LRRTM4: variants seen among roughly 807,000 people sequenced by gnomAD.
The protein encoded by LRRTM4 is leucine rich repeat transmembrane neuronal 4.
LRRTM4 carries 25 observed loss-of-function variants against 47.6 expected under a neutral mutation model. That is an observed-to-expected ratio of 0.53 (90% confidence interval 0.38 to 0.73). The LOEUF is 0.73. Among genes scored for constraint, LRRTM4 ranks in the 30% least tolerant of loss-of-function variants. The pLI is 0.00. For synonymous variants in LRRTM4, 311 were observed against 269.5 expected, an observed-to-expected ratio of 1.15 and a Z score of -1.51; for missense variants, 638 against 713.4, an observed-to-expected ratio of 0.89 and a Z score of 1.20.
intron 3 of LRRTM4, among the ~76,000 whole-genome samples, chr2:76,970,274 C>CA (rs1252433954): frequency 6.6e-6 from 1 of 151,936 alleles, no homozygotes; most frequent in African/African-American, 2.4e-5. Context: ...CGAAGTACAT[C>CA]ATGCTGCCTA....
chr2:77,031,576 G>T (rs889888580), intron 3 of LRRTM4, among the ~76,000 whole-genome samples: 1 of 152,012 alleles, frequency 6.6e-6, no homozygotes, highest in Non-Finnish European at 1.5e-5. Flanking sequence ...ATATTAGAGA[G>T]TCCCAAGGTT....
At chr2:77,231,637 T>C (rs1674969074) in intron 3 of LRRTM4, among the ~76,000 whole-genome samples, 3 of 152,176 alleles carry the variant, frequency 2.0e-5, no homozygotes, top group Admixed American at 2.0e-4. Context: ...GAGAAATTCA[T>C]TCTTTTATTC....
chr2:76,934,936 G>A (rs1004826042), intron 3 of LRRTM4, among the ~76,000 whole-genome samples: 3 of 150,868 alleles, frequency 2.0e-5, no homozygotes, highest in Admixed American at 6.6e-5. Context: ...GTACTTAGAG[G>A]ATTTTCTTTC....
chr2:77,204,850 C>A (rs1408437297), intron 3 of LRRTM4, among the ~76,000 whole-genome samples: 1 of 152,120 alleles, frequency 6.6e-6, no homozygotes, highest in African/African-American at 2.4e-5. Flanking sequence ...ACTTGGTATA[C>A]CAACCCACCC....
At chr2:77,110,678 T>A (rs1035263227) in intron 3 of LRRTM4, among the ~76,000 whole-genome samples, 8 of 152,152 alleles carry the variant, frequency 5.3e-5, no homozygotes, top group African/African-American at 1.9e-4. Context: ...CCATGCAATA[T>A]TGAAGTAGTA....
intron 3 of LRRTM4, among the ~76,000 whole-genome samples, chr2:77,273,265 A>C (rs1041991731): frequency 2.0e-5 from 3 of 152,156 alleles, no homozygotes; most frequent in African/African-American, 7.2e-5. Context: ...AAAATGCATA[A>C]ATTACATAGA....
chr2:77,159,207 T>C (rs1252000417), intron 3 of LRRTM4, among the ~76,000 whole-genome samples: 3 of 152,162 alleles, frequency 2.0e-5, no homozygotes, highest in Non-Finnish European at 4.4e-5. Flanking sequence ...CAAAAATCCA[T>C]GAATAAATTT....
intron 3 of LRRTM4, among the ~76,000 whole-genome samples, chr2:76,803,123 C>A (rs1675792446): frequency 6.6e-6 from 1 of 152,010 alleles, no homozygotes; most frequent in Non-Finnish European, 1.5e-5. Flanking sequence ...TTATATCAAT[C>A]TAAAAAACTT....
intron 3 of LRRTM4, among the ~76,000 whole-genome samples, chr2:77,329,095 T>G (rs2104245895): frequency 6.6e-6 from 1 of 152,272 alleles, no homozygotes; most frequent in Middle Eastern, 3.4e-3. Flanking sequence ...CTTAAGATAG[T>G]TTGTCCCAAG....
chr2:76,887,073 T>G (rs777320797), intron 3 of LRRTM4, among the ~76,000 whole-genome samples: 2 of 151,802 alleles, frequency 1.3e-5, no homozygotes, highest in Non-Finnish European at 3.0e-5. Context: ...TTTTTAAAAC[T>G]GTGAGGCTAA....
At chr2:77,515,471 G>A (rs774432839) in intron 3 of LRRTM4, among the ~76,000 whole-genome samples, 2 of 151,724 alleles carry the variant, frequency 1.3e-5, no homozygotes, top group African/African-American at 2.4e-5. Context: ...AAAGTTAGGT[G>A]GAAAGTAGAG....
intron 3 of LRRTM4, among the ~76,000 whole-genome samples, chr2:77,270,659 G>C (rs1284931238): frequency 6.6e-6 from 1 of 152,094 alleles, no homozygotes; most frequent in Non-Finnish European, 1.5e-5. Context: ...TCTTATGATA[G>C]TGACGAGGCA....
At position 77,220,407 on chromosome 2, in the gene LRRTM4, C is replaced by T. The variant is rs537936955; in HGVS notation, c.1551+297911G>A. Among the ~76,000 whole-genome samples, 3 of 152,154 alleles carry T rather than the reference C, an allele frequency of 2.0e-5. No homozygotes were observed. In the South Asian group the frequency reaches 6.2e-4, roughly 32 times the overall value. On this transcript the variant is annotated intron_variant, in intron 3 of 3. Transcript: ENST00000409884. ...AAGGCTTCCGAAGATCAAACTACTC[C>T]GAGCTAAAGGAGGAAGTTCGAACCA...
intron 3 of LRRTM4, among the ~76,000 whole-genome samples, chr2:77,484,319 C>CT (rs1022402834): frequency 2.0e-4 from 30 of 151,580 alleles, no homozygotes; most frequent in Admixed American, 4.6e-4. Context: ...ATATGTTCTC[C>CT]TTTTTTTTTC....
intron 3 of LRRTM4, among the ~76,000 whole-genome samples, chr2:77,081,061 T>C (rs1273865537): frequency 6.6e-6 from 1 of 152,198 alleles, no homozygotes. Context: ...ATGCTGCTTA[T>C]GTAATTTATC....
At chr2:76,931,728 C>T (rs1674775298) in intron 3 of LRRTM4, among the ~76,000 whole-genome samples, 3 of 151,956 alleles carry the variant, frequency 2.0e-5, no homozygotes, top group South Asian at 4.2e-4. Flanking sequence ...TTCATTTGGC[C>T]CTCAGTTCCA....
At chr2:76,878,942 T>C (rs1156566414) in intron 3 of LRRTM4, among the ~76,000 whole-genome samples, 2 of 152,036 alleles carry the variant, frequency 1.3e-5, no homozygotes, top group South Asian at 4.1e-4. Flanking sequence ...GGATAGAACA[T>C]CAAACCAGTC....
intron 3 of LRRTM4, among the ~76,000 whole-genome samples, chr2:76,760,216 G>A (rs1673203682): frequency 1.3e-5 from 2 of 152,120 alleles, no homozygotes; most frequent in Admixed American, 1.3e-4. Context: ...TAGAATCACA[G>A]GCCACCGTTT....
intron 3 of LRRTM4, among the ~76,000 whole-genome samples, chr2:76,918,006 T>C (rs997397456): frequency 7.9e-5 from 12 of 152,182 alleles, no homozygotes; most frequent in Admixed American, 7.9e-4. Flanking sequence ...GGCAAAAATA[T>C]GTCACCCTTC....
Sources: allele counts gnomAD v4.1 joint callset (sites outside exome capture counted in the v4.1 genomes callset), GRCh38; gene constraint gnomAD v4.1.1; transcripts MANE v1.5; gene names NCBI Gene and HGNC (gene_info 2026-07-23, HGNC 2026-07-21).